Variants in SPMIP11 observed in about 807,000 individuals in gnomAD.
The protein encoded by SPMIP11 is long intergenic non-protein coding RNA 935.
At chr12:48,743,933 C>CAA in the SPMIP11 span, among the ~76,000 whole-genome samples, 1,105 of 34,874 alleles carry the variant, frequency 0.032, 87 homozygotes, top group African/African-American at 0.084. Context: ...GACTTCGTCT[C>CAA]AAAAAAAAAA....
At chr12:48,736,257 C>A in the SPMIP11 span, 1 of 305,736 alleles carries the variant, frequency 3.3e-6, no homozygotes, top group South Asian at 2.5e-5. Flanking sequence ...AAAAAACACA[C>A]GAAAATTAGC....
chr12:48,729,025 A>G, the SPMIP11 span, among the ~76,000 whole-genome samples: 1 of 152,224 alleles, frequency 6.6e-6, no homozygotes, highest in Non-Finnish European at 1.5e-5. Flanking sequence ...GGGTGAATGG[A>G]TGAATAACTA....
the SPMIP11 span, among the ~76,000 whole-genome samples, chr12:48,734,754 C>A: frequency 6.6e-6 from 1 of 152,066 alleles, no homozygotes; most frequent in South Asian, 2.1e-4. Context: ...GTAATCCCAG[C>A]ACTTTGGGAG....
the SPMIP11 span, among the ~76,000 whole-genome samples, chr12:48,741,069 C>CTTT: frequency 5.3e-5 from 6 of 112,510 alleles, no homozygotes; most frequent in East Asian, 2.3e-4. Flanking sequence ...ATGATATTGA[C>CTTT]TTTTTTTTTT....
At chr12:48,759,189 C>T in the SPMIP11 span, 125 of 702,424 alleles carry the variant, frequency 1.8e-4, no homozygotes, top group East Asian at 2.8e-3. Context: ...GTACTCAGAA[C>T]GAGTCTACTC....
chr12:48,746,298 T>C, the SPMIP11 span, among the ~76,000 whole-genome samples: 1 of 151,262 alleles, frequency 6.6e-6, no homozygotes, highest in Admixed American at 6.6e-5. Context: ...GACTTCTCTT[T>C]AAAAATTAGA....
the SPMIP11 span, chr12:48,727,630 G>C: frequency 1.5e-6 from 1 of 678,026 alleles, no homozygotes; most frequent in Non-Finnish European, 2.7e-6. Context: ...CCACTTCCTA[G>C]CTATTTATTT....
At chr12:48,754,483 C>T in the SPMIP11 span, among the ~76,000 whole-genome samples, 2 of 151,950 alleles carry the variant, frequency 1.3e-5, no homozygotes, top group African/African-American at 2.4e-5. Flanking sequence ...CGGAGTCTCG[C>T]TCTGTCACCC....
chr12:48,737,576 G>A, the SPMIP11 span, among the ~76,000 whole-genome samples: 3 of 151,492 alleles, frequency 2.0e-5, no homozygotes, highest in Admixed American at 1.3e-4. Flanking sequence ...AACCATGTCT[G>A]GCTGATATTT....
chr12:48,743,919 G>A, the SPMIP11 span, among the ~76,000 whole-genome samples: 1 of 95,672 alleles, frequency 1.0e-5, no homozygotes, highest in Non-Finnish European at 1.8e-5. Context: ...GGGAACAAGA[G>A]CAAGACTTCG....
chr12:48,740,261 T>C, the SPMIP11 span, among the ~76,000 whole-genome samples: 4 of 152,186 alleles, frequency 2.6e-5, no homozygotes, highest in Non-Finnish European at 4.4e-5. Context: ...TCATTGTTAA[T>C]TTTGCCACTC....
the SPMIP11 span, chr12:48,768,803 T>C: frequency 6.4e-7 from 1 of 1,566,686 alleles, no homozygotes; most frequent in East Asian, 2.3e-5. Context: ...TCAGGCTAGC[T>C]CCCTTCCCCC....
At chr12:48,740,521 C>T in the SPMIP11 span, among the ~76,000 whole-genome samples, 1 of 144,286 alleles carries the variant, frequency 6.9e-6, no homozygotes, top group East Asian at 2.0e-4. Flanking sequence ...CAGACAGGGT[C>T]TCACTCTGTC....
chr12:48,766,492 C>T, the SPMIP11 span: 1 of 152,710 alleles, frequency 6.5e-6, no homozygotes, highest in African/African-American at 2.4e-5. Flanking sequence ...TACTTATACC[C>T]TCACCCCTAC....
chr12:48,764,874 C>T, the SPMIP11 span: 1 of 702,958 alleles, frequency 1.4e-6, no homozygotes, highest in East Asian at 2.7e-5. Context: ...CTTCAGAATC[C>T]CCTTGACTGA....
At chr12:48,742,610 G>A in the SPMIP11 span, among the ~76,000 whole-genome samples, 9 of 152,026 alleles carry the variant, frequency 5.9e-5, no homozygotes, top group South Asian at 2.1e-4. Flanking sequence ...CAGGCCAGGC[G>A]CAGTGGCTCA....
chr12:48,770,618 T>TA, the SPMIP11 span: 1 of 743,426 alleles, frequency 1.3e-6, no homozygotes, highest in Non-Finnish European at 2.2e-6. Flanking sequence ...TCTCTGTTCT[T>TA]AATATCAGAC....
At chr12:48,741,129 G>C in the SPMIP11 span, among the ~76,000 whole-genome samples, 1 of 147,336 alleles carries the variant, frequency 6.8e-6, no homozygotes, top group East Asian at 2.0e-4. Context: ...GCATACAATG[G>C]CTCACCACAA....
At chr12:48,733,896 G>A in the SPMIP11 span, among the ~76,000 whole-genome samples, 9 of 142,566 alleles carry the variant, frequency 6.3e-5, no homozygotes, top group Non-Finnish European at 9.0e-5. Context: ...TCAGCCTCCC[G>A]AGTAGCTGGT....
Sources: allele counts gnomAD v4.1 joint callset (sites outside exome capture counted in the v4.1 genomes callset), GRCh38; gene constraint gnomAD v4.1.1; transcripts MANE v1.5; gene names NCBI Gene and HGNC (gene_info 2026-07-23, HGNC 2026-07-21).